Variants in GABPB1 observed in about 807,000 individuals in gnomAD.
GABPB1 encodes GA binding protein transcription factor subunit beta 1, also known as GA-binding protein subunit beta-1.
A neutral mutation model predicts 45.9 loss-of-function variants in GABPB1; 15 were observed. The observed-to-expected ratio is 0.33, with a 90% CI of 0.22 to 0.50. The LOEUF is 0.50. Ranked by LOEUF, GABPB1 falls within the 20% of genes least tolerant of loss-of-function variation. GABPB1 has a pLI of 0.98. For missense variants in GABPB1, 252 were observed against 457.5 expected, an observed-to-expected ratio of 0.55 and a Z score of 4.10; for synonymous variants, 143 against 154.4, an observed-to-expected ratio of 0.93 and a Z score of 0.55.
At chr15:50,282,553 T>TAAAAAAAAAAAAAAAAAA (rs754828693) in intron 8 of GABPB1, among the ~76,000 whole-genome samples, 7 of 27,330 alleles carry the variant, frequency 2.6e-4, no homozygotes, top group East Asian at 3.8e-4. Flanking sequence ...GACCCTGCCT[T>TAAAAAAAAAAAAAAAAAA]AAAAAAGAAA....
chr15:50,338,897 A>T (rs1360632752), intron 1 of GABPB1, among the ~76,000 whole-genome samples: 1 of 152,240 alleles, frequency 6.6e-6, no homozygotes. Flanking sequence ...TAGGCCAAAC[A>T]CAGTGGCTCA....
intron 6 of GABPB1, among the ~76,000 whole-genome samples, chr15:50,290,788 A>C (rs2046318431): frequency 1.3e-5 from 2 of 152,190 alleles, no homozygotes; most frequent in Non-Finnish European, 1.5e-5. Context: ...CATTTCCACA[A>C]ATAAAATCCC....
At chr15:50,338,890 G>A (rs950887339) in intron 1 of GABPB1, among the ~76,000 whole-genome samples, 1 of 152,182 alleles carries the variant, frequency 6.6e-6, no homozygotes, top group Non-Finnish European at 1.5e-5. Context: ...GGAACCATAG[G>A]CCAAACACAG....
At chr15:50,289,093 T>A (rs768164365) in intron 7 of GABPB1, among the ~76,000 whole-genome samples, 2 of 152,196 alleles carry the variant, frequency 1.3e-5, no homozygotes, top group Non-Finnish European at 2.9e-5. Context: ...AAAGCTCACA[T>A]GGTAATTGAA....
intron 8 of GABPB1, among the ~76,000 whole-genome samples, chr15:50,282,560 G>GAAAAAAAAGAAAAAAAAA (rs2046014592): frequency 1.1e-5 from 1 of 88,992 alleles, no homozygotes; most frequent in African/African-American, 3.8e-5. Context: ...CCTTAAAAAA[G>GAAAAAAAAGAAAAAAAAA]AAAAAAAAAA....
chr15:50,332,655 T>A (rs35453213), intron 1 of GABPB1, among the ~76,000 whole-genome samples: 20,192 of 152,076 alleles, frequency 0.13, 1,730 homozygotes, highest in Middle Eastern at 0.2. Context: ...ATAAAAACAC[T>A]TTAGTCATGA....
At chr15:50,347,825 G>A (rs1194904198) in intron 1 of GABPB1, among the ~76,000 whole-genome samples, 5 of 152,112 alleles carry the variant, frequency 3.3e-5, no homozygotes, top group Admixed American at 3.3e-4. Context: ...GGAGGCCAAG[G>A]TGGGCAGATC....
intron 3 of GABPB1, among the ~76,000 whole-genome samples, chr15:50,303,756 G>A (rs1567502132): frequency 6.6e-6 from 1 of 151,538 alleles, no homozygotes; most frequent in Non-Finnish European, 1.5e-5. Flanking sequence ...AAATCAATTA[G>A]CTGATTTAAC....
chr15:50,354,496 C>G (rs771012878), intron 1 of GABPB1: 11 of 448,844 alleles, frequency 2.5e-5, no homozygotes, highest in South Asian at 1.6e-4. Flanking sequence ...GAGAGCCCGG[C>G]GGGGCCGTCA....
chr15:50,332,273 T>C (rs957243383), intron 1 of GABPB1, among the ~76,000 whole-genome samples: 2 of 152,168 alleles, frequency 1.3e-5, no homozygotes, highest in Non-Finnish European at 2.9e-5. Context: ...TTGGAAGTTA[T>C]ACCCTCTGTT....
intron 2 of GABPB1, 25 bp from the exon 3 acceptor site, chr15:50,304,158 T>C (rs765213866): frequency 2.1e-6 from 3 of 1,430,480 alleles, no homozygotes; most frequent in Non-Finnish European, 2.9e-6. Flanking sequence ...AAAAAAAAAA[T>C]CCACATTTAC....
chr15:50,347,717 T>C (rs2048647448), intron 1 of GABPB1, among the ~76,000 whole-genome samples: 1 of 152,100 alleles, frequency 6.6e-6, no homozygotes, highest in African/African-American at 2.4e-5. Flanking sequence ...AATGGGTGCA[T>C]TAAAGACAGG....
At chr15:50,354,359 G>C (rs1462654529) in intron 1 of GABPB1, 2 of 449,244 alleles carry the variant, frequency 4.5e-6, no homozygotes, top group East Asian at 1.5e-4. Context: ...GGCCCCGCGC[G>C]GGACTGGCCA....
rs899786438 is a variant in GABPB1, at chr15:50,277,914, TGACCTACAGAGTAAA to T, written c.*703_*717del. The stretch of plus-strand genomic sequence containing the variant: ...CAGCTGCCAGCTTACTTCGTTTCAA[TGACCTACAGAGTAAA>T]GGGGTTTTGTTTTTGTTTTTTTCTG... On this transcript the variant is annotated 3_prime_UTR_variant, in exon 9 of 9. Transcript: ENST00000380877. 1.3e-5 allele frequency: 2 copies of T among 151,240 alleles called. No individual in the cohort carries two copies. Among genetic ancestry groups the T allele is most frequent in the Admixed American group, 1.3e-4 (2 of 15,276 alleles). 9.4% of individuals were successfully genotyped at this position (151,240 alleles called of 1,614,324 possible). A position where few individuals can be genotyped will look rare whatever the true frequency, so the allele number is the denominator to read the frequency against.
intron 6 of GABPB1, among the ~76,000 whole-genome samples, chr15:50,296,379 A>C (rs1353335584): frequency 6.6e-6 from 1 of 152,180 alleles, no homozygotes; most frequent in Non-Finnish European, 1.5e-5. Context: ...ATAGAAACAG[A>C]TACATCCCAA....
intron 1 of GABPB1, among the ~76,000 whole-genome samples, chr15:50,337,091 A>G (rs1383160464): frequency 5.6e-4 from 2 of 3,582 alleles, no homozygotes; most frequent in Admixed American, 3.3e-3. Flanking sequence ...ATATATATAT[A>G]TATATATATA....
chr15:50,336,616 A>C (rs2048137293), intron 1 of GABPB1, among the ~76,000 whole-genome samples: 1 of 146,124 alleles, frequency 6.8e-6, no homozygotes, highest in Non-Finnish European at 1.5e-5. Context: ...CCAGGAGGTC[A>C]AAGTTGCAGT....
intron 1 of GABPB1, chr15:50,351,560 A>C (rs908069440): frequency 1.3e-5 from 2 of 152,120 alleles, no homozygotes; most frequent in Admixed American, 6.6e-5. Flanking sequence ...CCTGGGTAAC[A>C]GAGAAAGCAA....
intron 1 of GABPB1, among the ~76,000 whole-genome samples, chr15:50,338,599 G>A (rs1329846853): frequency 6.6e-6 from 1 of 151,926 alleles, no homozygotes; most frequent in Non-Finnish European, 1.5e-5. Flanking sequence ...TCAGCCTCCC[G>A]AGTAGCTGGG....
Sources: allele counts gnomAD v4.1 joint callset (sites outside exome capture counted in the v4.1 genomes callset), GRCh38; gene constraint gnomAD v4.1.1; transcripts MANE v1.5; gene names NCBI Gene and HGNC (gene_info 2026-07-23, HGNC 2026-07-21).